Variants in KCTD14 observed in about 807,000 individuals in gnomAD.
KCTD14 encodes the protein potassium channel tetramerization domain containing 14, also known as BTB/POZ domain-containing protein KCTD14.
KCTD14 carries 7 observed loss-of-function variants against 5.9 expected under a neutral mutation model. The ratio of observed to expected loss-of-function variants is 1.19; its 90% CI spans 0.68 to 2.23. KCTD14 has a LOEUF of 2.23. KCTD14 is among the 30% of genes most tolerant of loss of function. KCTD14 has a pLI of 0.00. For synonymous variants in KCTD14, 140 were observed against 133.1 expected (o/e 1.05, Z -0.36); for missense variants, 342 against 332.2 (o/e 1.03, Z -0.23).
At chr11:78,018,399 GA>G (rs200847985) in intron 1 of KCTD14, among the ~76,000 whole-genome samples, 2 of 151,162 alleles carry the variant, frequency 1.3e-5, no homozygotes, top group Non-Finnish European at 3.0e-5. Context: ...TAGATTTAAG[GA>G]AAAAAAATTT....
upstream of KCTD14, among the ~76,000 whole-genome samples, chr11:78,025,151 TATATA>T (rs1857432313): frequency 7.6e-6 from 1 of 131,686 alleles, no homozygotes; most frequent in African/African-American, 2.9e-5. Context: ...TATATATATA[TATATA>T]AAGGGGAGTT....
At chr11:78,036,663 C>T (rs976681310) in intron 2 of KCTD14, among the ~76,000 whole-genome samples, 7 of 152,182 alleles carry the variant, frequency 4.6e-5, no homozygotes, top group East Asian at 1.9e-4. Context: ...AGAGGCCTTC[C>T]GTGACCACTC....
chr11:78,017,504 G>A lies in KCTD14; in HGVS notation c.91-234C>T, dbSNP rs530826699. On this transcript the variant is annotated intron_variant, in intron 1 of 1. Transcript: ENST00000353172. ...GCTCTGTCACCCAGGCTAGGGTGCA[G>A]TGGTGCAATCTCGGCTCACTGCAAC... 2.3e-4 allele frequency among the ~76,000 whole-genome samples: 35 copies of A among 150,644 alleles called. No individual in the cohort carries two copies. The South Asian group carries it at 7.4e-3, about 32-fold the overall frequency.
At chr11:78,037,536 G>A (rs999653785) in intron 2 of KCTD14, among the ~76,000 whole-genome samples, 2 of 152,142 alleles carry the variant, frequency 1.3e-5, no homozygotes, top group Non-Finnish European at 2.9e-5. Flanking sequence ...CTCATCCCAG[G>A]CTGGCACATG....
upstream of KCTD14, among the ~76,000 whole-genome samples, chr11:78,025,821 A>T (rs1857449235): frequency 6.6e-6 from 1 of 151,994 alleles, no homozygotes; most frequent in East Asian, 1.9e-4. Flanking sequence ...ATAATTTCCC[A>T]CTCCTTAAGT....
chr11:78,023,343 G>C (rs973274333), upstream of KCTD14: 6 of 1,258,118 alleles, frequency 4.8e-6, no homozygotes, highest in Middle Eastern at 2.2e-4. Context: ...GCCAGGCGTG[G>C]CTTGCAGTGA....
intron 2 of KCTD14, among the ~76,000 whole-genome samples, chr11:78,030,867 G>T (rs998569623): frequency 2.0e-5 from 3 of 152,016 alleles, no homozygotes; most frequent in Non-Finnish European, 4.4e-5. Flanking sequence ...CTGCAGAGAA[G>T]GAGACCCCTG....
chr11:78,029,983 A>G (rs971311757), intron 2 of KCTD14, among the ~76,000 whole-genome samples: 2 of 151,828 alleles, frequency 1.3e-5, no homozygotes, highest in African/African-American at 2.4e-5. Flanking sequence ...ACAGGGTTTC[A>G]CCGTGTTAGC....
chr11:78,023,876 A>T (rs981733607), upstream of KCTD14, among the ~76,000 whole-genome samples: 3 of 152,164 alleles, frequency 2.0e-5, no homozygotes, highest in Non-Finnish European at 4.4e-5. Flanking sequence ...AGGGAGTGAA[A>T]GATCCGCAAC....
At chr11:78,032,953 AT>A (rs1857670817) in intron 2 of KCTD14, among the ~76,000 whole-genome samples, 1 of 152,054 alleles carries the variant, frequency 6.6e-6, no homozygotes, top group African/African-American at 2.4e-5. Context: ...AAGTGCTCAG[AT>A]TACAGGCCTA....
intron 2 of KCTD14, among the ~76,000 whole-genome samples, chr11:78,032,680 G>A (rs1272431180): frequency 6.6e-6 from 1 of 150,752 alleles, no homozygotes; most frequent in East Asian, 1.9e-4. Context: ...ATCTTCTCTG[G>A]GAGAACATAA....
chr11:78,036,843 A>G (rs1206695728), intron 2 of KCTD14, among the ~76,000 whole-genome samples: 2 of 152,260 alleles, frequency 1.3e-5, no homozygotes, highest in South Asian at 2.1e-4. Flanking sequence ...TGGCTGCTAC[A>G]TGCTAGGCCC....
At chr11:78,030,968 G>C (rs1322022326) in intron 2 of KCTD14, among the ~76,000 whole-genome samples, 1 of 151,896 alleles carries the variant, frequency 6.6e-6, no homozygotes, top group Non-Finnish European at 1.5e-5. Flanking sequence ...GACTACATCA[G>C]ATTGATCTGA....
chr11:78,022,012 C>A (rs2136710183), intron 1 of KCTD14, among the ~76,000 whole-genome samples: 1 of 152,298 alleles, frequency 6.6e-6, no homozygotes, highest in South Asian at 2.1e-4. Context: ...TCTGGGAGTC[C>A]TTCGGGGTGG....
intron 2 of KCTD14, among the ~76,000 whole-genome samples, chr11:78,032,174 G>A (rs1246501578): frequency 6.6e-6 from 1 of 152,226 alleles, no homozygotes; most frequent in Non-Finnish European, 1.5e-5. Flanking sequence ...AAGTATGGCT[G>A]GGCTTCCTTC....
upstream of KCTD14, chr11:78,023,538 A>G (rs1857364867): frequency 2.5e-6 from 1 of 398,004 alleles, no homozygotes. Flanking sequence ...TTTCAGAGAC[A>G]GGGTCTCACT....
intron 2 of KCTD14, among the ~76,000 whole-genome samples, chr11:78,031,263 G>T (rs566241257): frequency 2.4e-4 from 36 of 151,958 alleles, no homozygotes; most frequent in African/African-American, 7.7e-4. Context: ...GCCCAGACTG[G>T]TCTCAAACCC....
chr11:78,022,040 C>A (rs1291091200), intron 1 of KCTD14, among the ~76,000 whole-genome samples: 1 of 152,122 alleles, frequency 6.6e-6, no homozygotes, highest in Non-Finnish European at 1.5e-5. Flanking sequence ...CACTGTGATC[C>A]CAGAAAGTCC....
intron 2 of KCTD14, among the ~76,000 whole-genome samples, chr11:78,030,322 T>G (rs1482244224): frequency 1.3e-5 from 2 of 152,146 alleles, no homozygotes; most frequent in Non-Finnish European, 2.9e-5. Context: ...CTCCCAGAGA[T>G]GAAGCACCTC....
Sources: gnomAD v4.1 joint callset for allele counts (sites outside exome capture counted in the v4.1 genomes callset) on GRCh38, gnomAD v4.1.1 for gene constraint, MANE v1.5 for transcripts, NCBI Gene and HGNC (gene_info 2026-07-23, HGNC 2026-07-21) for gene names.